ATP6V1E2: variants seen among roughly 807,000 people sequenced by gnomAD.
ATP6V1E2 encodes the protein ATPase H+ transporting V1 subunit E2, also known as V-type proton ATPase subunit E 2.
For missense variants in ATP6V1E2, 308 were observed against 273.3 expected, an observed-to-expected ratio of 1.13 and a Z score of -0.90; for synonymous variants, 121 against 104.2, an observed-to-expected ratio of 1.16 and a Z score of -0.98.
intron 4 of ATP6V1E2, among the ~76,000 whole-genome samples, chr2:46,514,723 G>C (rs1254599076): frequency 1.3e-5 from 2 of 152,060 alleles, no homozygotes; most frequent in Non-Finnish European, 2.9e-5. Flanking sequence ...TGGGAAAAAA[G>C]GATAGAAAGT....
intron 4 of ATP6V1E2, among the ~76,000 whole-genome samples, chr2:46,524,251 G>C (rs1163752002): frequency 6.6e-6 from 1 of 152,098 alleles, no homozygotes; most frequent in Non-Finnish European, 1.5e-5. Flanking sequence ...GTTTAAACCA[G>C]GTAGGGGATG....
At chr2:46,519,711 C>T (rs1014882077) in intron 4 of ATP6V1E2, 1 of 152,168 alleles carries the variant, frequency 6.6e-6, no homozygotes, top group Non-Finnish European at 1.5e-5. Context: ...AGAAGTGAGA[C>T]GTTTAACACA....
chr2:46,519,732 T>C (rs1393707337), intron 4 of ATP6V1E2: 2 of 152,212 alleles, frequency 1.3e-5, no homozygotes, highest in African/African-American at 4.8e-5. Context: ...ATGTTAGGCA[T>C]GGTTAATCTT....
At chr2:46,519,459 T>C (rs1666490635) in intron 4 of ATP6V1E2, 1 of 152,218 alleles carries the variant, frequency 6.6e-6, no homozygotes, top group African/African-American at 2.4e-5. Context: ...GGGGATGCTG[T>C]GTTCCAGCTC....
At chr2:46,516,924 T>A (rs1687735881) in intron 4 of ATP6V1E2, among the ~76,000 whole-genome samples, 1 of 152,172 alleles carries the variant, frequency 6.6e-6, no homozygotes, top group African/African-American at 2.4e-5. Flanking sequence ...GATCCACAGA[T>A]TCTGTGCAAT....
intron 4 of ATP6V1E2, among the ~76,000 whole-genome samples, chr2:46,516,251 C>A (rs1360128673): frequency 6.6e-6 from 1 of 152,176 alleles, no homozygotes; most frequent in Non-Finnish European, 1.5e-5. Flanking sequence ...ACACATGGAA[C>A]AGTCTTTAGG....
At chr2:46,533,693 T>A (rs1667302739) in intron 4 of ATP6V1E2, among the ~76,000 whole-genome samples, 1 of 152,212 alleles carries the variant, frequency 6.6e-6, no homozygotes, top group South Asian at 2.1e-4. Flanking sequence ...TTTCATGTGG[T>A]ACCATGTTTT....
At chr2:46,523,545 T>C (rs1200691429) in intron 4 of ATP6V1E2, among the ~76,000 whole-genome samples, 1 of 152,160 alleles carries the variant, frequency 6.6e-6, no homozygotes, top group South Asian at 2.1e-4. Context: ...CAGATGGTTG[T>C]AGATGTGCGA....
chr2:46,519,492 T>C (rs1452101068), intron 4 of ATP6V1E2: 1 of 152,304 alleles, frequency 6.6e-6, no homozygotes, highest in Non-Finnish European at 1.5e-5. Context: ...ATCCTCTTCA[T>C]GCCCAGACAG....
intron 4 of ATP6V1E2, among the ~76,000 whole-genome samples, chr2:46,516,068 T>C (rs985072275): frequency 2.6e-4 from 40 of 152,194 alleles, no homozygotes; most frequent in African/African-American, 8.9e-4. Flanking sequence ...TAGACAGCAA[T>C]ACAATAATAG....
chr2:46,522,271 G>A (rs1452162571), intron 4 of ATP6V1E2, among the ~76,000 whole-genome samples: 17 of 140,160 alleles, frequency 1.2e-4, no homozygotes, highest in Admixed American at 7.1e-5. Context: ...GCGACAGACG[G>A]AGACTCTGTC....
intron 4 of ATP6V1E2, among the ~76,000 whole-genome samples, chr2:46,516,962 T>A (rs1235579766): frequency 2.0e-5 from 3 of 152,222 alleles, no homozygotes; most frequent in Non-Finnish European, 4.4e-5. Flanking sequence ...TGCTGTTTTT[T>A]GCAGAAATAG....
At chr2:46,522,206 C>T (rs1666670482) in intron 4 of ATP6V1E2, among the ~76,000 whole-genome samples, 1 of 150,354 alleles carries the variant, frequency 6.7e-6, no homozygotes, top group East Asian at 2.0e-4. Flanking sequence ...GGGAGGATTG[C>T]TTGAGAGGTC....
intron 4 of ATP6V1E2, among the ~76,000 whole-genome samples, chr2:46,529,462 A>C (rs1572712638): frequency 6.6e-6 from 1 of 152,228 alleles, no homozygotes; most frequent in East Asian, 1.9e-4. Flanking sequence ...GCAGTAGCTT[A>C]ATAATGATTT....
At chr2:46,537,929 A>G (rs1667531052) in intron 2 of ATP6V1E2, among the ~76,000 whole-genome samples, 1 of 152,236 alleles carries the variant, frequency 6.6e-6, no homozygotes, top group South Asian at 2.1e-4. Context: ...AAAGCAAGGA[A>G]GAAGTCCAAA....
chr2:46,537,340 C>T lies in ATP6V1E2; in HGVS notation c.-309-637G>A, dbSNP rs552542344. The T allele has an allele frequency of 7.2e-5, 11 of 152,302 alleles. No homozygotes were observed. The East Asian group carries it at 1.9e-3, about 27-fold the overall frequency. The allele number at this position is 152,302 out of a possible 1,614,324, so 9.4% of individuals were successfully genotyped here. On this transcript the variant is annotated intron_variant, in intron 2 of 4. Coordinates refer to ENST00000522587, the MANE Select transcript of ATP6V1E2 (RefSeq NM_001318063.2). ...TTTTAGGGATGGACAGTAGCCCAGG[C>T]CTAAGGCAACAGTCACCTGACAGTT...
intron 2 of ATP6V1E2, among the ~76,000 whole-genome samples, chr2:46,540,277 C>G (rs1436334724): frequency 6.6e-6 from 1 of 151,952 alleles, no homozygotes; most frequent in Admixed American, 6.6e-5. Context: ...CAAAAATTAG[C>G]TAGGCATGAT....
At chr2:46,537,592 A>G (rs945061804) in intron 2 of ATP6V1E2, 3 of 144,888 alleles carry the variant, frequency 2.1e-5, no homozygotes, top group Non-Finnish European at 3.0e-5. Flanking sequence ...AGATGTGCAG[A>G]AAAAAAAAAA....
chr2:46,514,752 C>G (rs1276354324), intron 4 of ATP6V1E2, among the ~76,000 whole-genome samples: 1 of 151,986 alleles, frequency 6.6e-6, no homozygotes, highest in Non-Finnish European at 1.5e-5. Flanking sequence ...AAATAATGGC[C>G]AAAACTTCTC....
Sources: gnomAD v4.1 joint callset for allele counts (sites outside exome capture counted in the v4.1 genomes callset) on GRCh38, gnomAD v4.1.1 for gene constraint, MANE v1.5 for transcripts, NCBI Gene and HGNC (gene_info 2026-07-23, HGNC 2026-07-21) for gene names.